The following MGST2 variants were observed in gnomAD, a reference collection of about 807,000 sequenced individuals.
MGST2 encodes microsomal glutathione S-transferase 2, also known as glutathione peroxidase MGST2.
Under a neutral mutation model 16.6 loss-of-function variants are expected in MGST2, and 9 were observed. The observed-to-expected ratio is 0.54, with a 90% CI of 0.33 to 0.95. The LOEUF (loss-of-function observed/expected upper bound fraction) is 0.95. Among genes scored for constraint, MGST2 ranks in the 40% least tolerant of loss-of-function variants. The pLI is 0.03. For synonymous variants in MGST2, 79 were observed against 68.0 expected (o/e 1.16, Z -0.79); for missense variants, 159 against 175.1 (o/e 0.91, Z 0.52).
intron 2 of MGST2, among the ~76,000 whole-genome samples, chr4:139,682,412 A>G (rs1731299676): frequency 6.6e-6 from 1 of 152,122 alleles, no homozygotes; most frequent in Admixed American, 6.5e-5. Context: ...GGTCAGAGAC[A>G]ATAGTCAGAG....
At chr4:139,712,314 A>C (rs1374797705) in intron 5 of MGST2, among the ~76,000 whole-genome samples, 1 of 152,214 alleles carries the variant, frequency 6.6e-6, no homozygotes, top group Non-Finnish European at 1.5e-5. Flanking sequence ...CACAGGAATA[A>C]ACAGGGTTAG....
chr4:139,752,490 A>T, the MGST2 span, among the ~76,000 whole-genome samples: 1 of 152,110 alleles, frequency 6.6e-6, no homozygotes, highest in Non-Finnish European at 1.5e-5. Flanking sequence ...GGGGTGAGTG[A>T]TAACCACTCC....
intron 5 of MGST2, chr4:139,717,629 G>GC (rs1728036054): frequency 6.6e-6 from 1 of 152,652 alleles, no homozygotes; most frequent in Non-Finnish European, 1.5e-5. Context: ...AAACACCTCT[G>GC]CCCCCAGCTT....
intron 5 of MGST2, among the ~76,000 whole-genome samples, chr4:139,713,842 C>T (rs901844116): frequency 6.6e-6 from 1 of 152,182 alleles, no homozygotes; most frequent in Non-Finnish European, 1.5e-5. Context: ...GCGGGGAAAT[C>T]GAACCCTGGC....
intron 2 of MGST2, among the ~76,000 whole-genome samples, chr4:139,682,906 G>C (rs1731336847): frequency 6.6e-6 from 1 of 152,134 alleles, no homozygotes; most frequent in South Asian, 2.1e-4. Flanking sequence ...AAAGCGGGAG[G>C]GGGTCCTACT....
rs541889050 is a variant in MGST2, at chr4:139,715,038, C to T, written c.*48+10842C>T. Among the ~76,000 whole-genome samples, 2 of 152,276 alleles carry T rather than the reference C, an allele frequency of 1.3e-5. No homozygotes were observed. The highest frequency in any genetic ancestry group is 1.9e-4 in the East Asian group (1 of 5,180). Reference sequence around the variant, plus strand: ...TGTTCTTAGCCGAGAGGGACTTTACCGAAGAGGGGCCTCTAACCCGCTAAA... The same window carrying T: ...TGTTCTTAGCCGAGAGGGACTTTACTGAAGAGGGGCCTCTAACCCGCTAAA... On this transcript the variant is annotated intron_variant, in intron 5 of 5. Transcript: ENST00000616265. This position sits in a 1 kb window ranked among gnomAD's most constrained non-coding sequence, Gnocchi z 4.4.
intron 1 of MGST2, among the ~76,000 whole-genome samples, chr4:139,667,679 G>A (rs1730440231): frequency 6.6e-6 from 1 of 152,068 alleles, no homozygotes; most frequent in Non-Finnish European, 1.5e-5. Flanking sequence ...CCAACATGGT[G>A]AAACTCCGTC....
intron 5 of MGST2, chr4:139,719,992 A>T: frequency 6.2e-7 from 1 of 1,614,010 alleles, no homozygotes. Context: ...GCATGCTCTG[A>T]CCAAAGCCAC....
At chr4:139,677,055 A>G (rs932977619) in intron 1 of MGST2, among the ~76,000 whole-genome samples, 4 of 152,124 alleles carry the variant, frequency 2.6e-5, no homozygotes, top group Admixed American at 6.6e-5. Flanking sequence ...TGGCTAGCTG[A>G]GCCTCCTCTT....
intron 2 of MGST2, among the ~76,000 whole-genome samples, chr4:139,694,323 T>G (rs922837400): frequency 2.6e-5 from 4 of 151,962 alleles, no homozygotes; most frequent in Non-Finnish European, 4.4e-5. Context: ...TGAGGCTTAC[T>G]GAAGGAAAGA....
intron 5 of MGST2, chr4:139,719,378 C>T (rs757987197): frequency 1.9e-5 from 31 of 1,612,568 alleles, no homozygotes; most frequent in Non-Finnish European, 2.5e-5. Flanking sequence ...CCCTGGCCCG[C>T]CTTTGATGAT....
intron 1 of MGST2, among the ~76,000 whole-genome samples, chr4:139,666,729 C>T (rs1730375995): frequency 6.6e-6 from 1 of 152,162 alleles, no homozygotes; most frequent in Non-Finnish European, 1.5e-5. Context: ...ACAATGTCAG[C>T]TGGGGAAAGG....
intron 5 of MGST2, chr4:139,730,626 C>T: frequency 6.2e-7 from 1 of 1,613,232 alleles, no homozygotes; most frequent in Non-Finnish European, 8.5e-7. Flanking sequence ...CGGAGGACTG[C>T]ATGGGGCCTG....
rs746242560 is a variant in MGST2, at chr4:139,704,105, A to G, written c.401A>G (p.Tyr134Cys). The change falls in exon 5 of 5, where the codon TAT becomes TGT. Residue 134 changes from tyrosine to cysteine, a missense_variant. Transcript: ENST00000265498. ...LGIANSFLDE[Y>C]LDLNIAKKLR... is the part of the protein sequence containing the mutation. ...ATTGCAAACAGCTTTCTGGATGAAT[A>G]TCTGGACCTCAATATTGCCAAGAAA... The G allele has an allele frequency of 5.0e-6, 8 of 1,614,170 alleles. No homozygotes were observed. Among genetic ancestry groups the G allele is most frequent in the Non-Finnish European group, 6.8e-6 (8 of 1,180,032 alleles).
downstream of MGST2, among the ~76,000 whole-genome samples, chr4:139,741,894 C>T (rs1003267830): frequency 1.6e-4 from 25 of 152,036 alleles, no homozygotes; most frequent in Admixed American, 1.6e-3. Context: ...TTTAAAACGC[C>T]CTATTGTCAT....
chr4:139,691,767 C>T (rs1192635762), intron 2 of MGST2, among the ~76,000 whole-genome samples: 4 of 152,036 alleles, frequency 2.6e-5, no homozygotes, highest in Admixed American at 6.6e-5. Flanking sequence ...GGCGTGATCT[C>T]GGCTCACTGC....
intron 2 of MGST2, among the ~76,000 whole-genome samples, chr4:139,684,417 A>G (rs935322701): frequency 2.0e-5 from 3 of 152,232 alleles, no homozygotes; most frequent in African/African-American, 7.2e-5. Flanking sequence ...CCCTGATGGC[A>G]TCAGGAGGTC....
At chr4:139,708,342 T>G (rs1334081807), downstream of MGST2, among the ~76,000 whole-genome samples, 2 of 152,252 alleles carry the variant, frequency 1.3e-5, no homozygotes, top group Non-Finnish European at 2.9e-5. Flanking sequence ...TTGCTTGTTT[T>G]TGTCAGGTTT....
intron 2 of MGST2, among the ~76,000 whole-genome samples, chr4:139,687,217 A>G (rs1731611564): frequency 6.6e-6 from 1 of 152,228 alleles, no homozygotes; most frequent in South Asian, 2.1e-4. Flanking sequence ...AAATACTTTG[A>G]GCAACAACAC....
Sources: gnomAD v4.1 joint callset for allele counts (sites outside exome capture counted in the v4.1 genomes callset) on GRCh38, gnomAD v4.1.1 for gene constraint, Gnocchi (gnomAD v3.1) non-coding constraint, MANE v1.5 for transcripts, NCBI Gene and HGNC (gene_info 2026-07-23, HGNC 2026-07-21) for gene names.